CXADR: variants seen among roughly 807,000 people sequenced by gnomAD.
CXADR encodes coxsackievirus and adenovirus receptor.
A neutral mutation model predicts 40.3 loss-of-function variants in CXADR; 20 were observed. The observed-to-expected ratio is 0.50, with a 90% CI of 0.35 to 0.72. The LOEUF (loss-of-function observed/expected upper bound fraction) is 0.72, where lower values mean the gene tolerates loss of function less well. Ranked by LOEUF, CXADR falls within the 30% of genes least tolerant of loss-of-function variation. CXADR has a pLI of 0.01. For missense variants in CXADR, 332 were observed against 449.1 expected (o/e 0.74, Z 2.36); for synonymous variants, 150 against 161.3 (o/e 0.93, Z 0.53).
At chr21:17,521,788 CTT>C (rs1187571479) in intron 1 of CXADR, among the ~76,000 whole-genome samples, 2 of 152,198 alleles carry the variant, frequency 1.3e-5, no homozygotes, top group Non-Finnish European at 2.9e-5. Flanking sequence ...GATAAAGACT[CTT>C]TTAACTTCCC....
chr21:17,612,991 C>G, the CXADR span: 1 of 151,950 alleles, frequency 6.6e-6, no homozygotes, highest in Admixed American at 6.5e-5. Flanking sequence ...CGCGCGGGAT[C>G]GGCTCGCGCG....
the CXADR span, chr21:17,604,928 G>A: frequency 1.2e-6 from 2 of 1,614,158 alleles, no homozygotes; most frequent in Non-Finnish European, 1.7e-6. Flanking sequence ...CACTATACAA[G>A]ATGCAGCTGT....
At chr21:17,557,988 G>A (rs565237328) in intron 3 of CXADR, among the ~76,000 whole-genome samples, 1 of 152,214 alleles carries the variant, frequency 6.6e-6, no homozygotes, top group African/African-American at 2.4e-5. Context: ...ATGCCAAGGT[G>A]TTAATCCAGG....
the CXADR span, among the ~76,000 whole-genome samples, chr21:17,603,776 C>T: frequency 6.6e-6 from 1 of 152,176 alleles, no homozygotes; most frequent in Non-Finnish European, 1.5e-5. Flanking sequence ...ATGGCTCATC[C>T]TTCACCTCCC....
intron 3 of CXADR, among the ~76,000 whole-genome samples, chr21:17,555,126 A>G (rs1045798336): frequency 6.6e-6 from 1 of 152,226 alleles, no homozygotes; most frequent in Non-Finnish European, 1.5e-5. Flanking sequence ...TGTTGTGGCC[A>G]TATATCACGG....
the CXADR span, among the ~76,000 whole-genome samples, chr21:17,622,594 G>T: frequency 2.0e-4 from 31 of 151,896 alleles, no homozygotes; most frequent in Middle Eastern, 3.4e-3. Flanking sequence ...CAAATAACTG[G>T]TTTTTTTTCC....
chr21:17,604,784 A>C, the CXADR span: 4 of 1,473,620 alleles, frequency 2.7e-6, no homozygotes, highest in Non-Finnish European at 3.6e-6. Context: ...ATACACAGGC[A>C]GGCCGTACAT....
intron 7 of CXADR, among the ~76,000 whole-genome samples, chr21:17,575,162 T>G (rs2061311634): frequency 6.6e-6 from 1 of 151,672 alleles, no homozygotes; most frequent in East Asian, 2.0e-4. Context: ...TTGGGAAGGC[T>G]TTTCTGTTTT....
At chr21:17,593,119 CT>C in intron 7 of CXADR, 1 of 1,386,118 alleles carries the variant, frequency 7.2e-7, no homozygotes, top group Non-Finnish European at 9.4e-7. Flanking sequence ...AATCAAAACT[CT>C]TATAGAGATA....
chr21:17,607,734 TA>T, the CXADR span, among the ~76,000 whole-genome samples: 1 of 152,204 alleles, frequency 6.6e-6, no homozygotes, highest in African/African-American at 2.4e-5. Flanking sequence ...TATACACAAA[TA>T]AAAGAGTATT....
chr21:17,609,192 T>C, the CXADR span: 2 of 1,576,750 alleles, frequency 1.3e-6, no homozygotes, highest in African/African-American at 2.7e-5. Context: ...AAACAAAATA[T>C]AAAAACTGGG....
downstream of CXADR, among the ~76,000 whole-genome samples, chr21:17,595,021 A>T (rs1257979603): frequency 1.3e-5 from 2 of 151,996 alleles, no homozygotes; most frequent in African/African-American, 4.8e-5. Context: ...AAAAAAGATA[A>T]ACACAAAACA....
At chr21:17,548,876 C>G (rs771329292) in intron 2 of CXADR, among the ~76,000 whole-genome samples, 1 of 152,184 alleles carries the variant, frequency 6.6e-6, no homozygotes, top group Non-Finnish European at 1.5e-5. Context: ...AACCTAGCTT[C>G]TAACCTAAAA....
At chr21:17,618,935 A>G in the CXADR span, among the ~76,000 whole-genome samples, 10 of 152,166 alleles carry the variant, frequency 6.6e-5, no homozygotes, top group Non-Finnish European at 1.3e-4. Context: ...AAACAACACT[A>G]ATCTCCTTGT....
At chr21:17,545,914 G>C (rs2060891462) in intron 1 of CXADR, among the ~76,000 whole-genome samples, 1 of 151,656 alleles carries the variant, frequency 6.6e-6, no homozygotes, top group Non-Finnish European at 1.5e-5. Context: ...CAAGTAGCTG[G>C]GATTATAGTC....
At chr21:17,559,268 C>G (rs113290321) in intron 4 of CXADR, 137 bp downstream of exon 4, 9,050 of 867,846 alleles carry the variant, frequency 0.01, 52 homozygotes, top group Non-Finnish European at 0.014. Flanking sequence ...AAGCTTCAAC[C>G]TCCTAGGCTC....
At chr21:17,559,213 G>A in intron 4 of CXADR, 82 bp downstream of exon 4, 1 of 1,452,568 alleles carries the variant, frequency 6.9e-7, no homozygotes, top group Non-Finnish European at 9.6e-7. Context: ...ATTTGAGATA[G>A]GGCCTTGCTC....
chr21:17,536,008 C>A (rs1353836256), intron 1 of CXADR, among the ~76,000 whole-genome samples: 4 of 152,028 alleles, frequency 2.6e-5, no homozygotes, highest in African/African-American at 9.7e-5. Flanking sequence ...ACTCTGCCTC[C>A]AAAATAAAGA....
Position 17,567,632 on chromosome 21 carries a change from A to T in CXADR, c.*1940A>T. On this transcript the variant is annotated 3_prime_UTR_variant, in exon 7 of 7. Transcript: ENST00000284878. The stretch of plus-strand genomic sequence containing the variant: ...GTTTAGAAATTTCAATATTCCCAAC[A>T]CTCTATGTTTCTGATTTTATAACAG... The T allele has an allele frequency of 1.0e-6, 1 of 983,244 alleles. No individual in the cohort carries two copies. The allele number at this position is 983,244 out of a possible 1,614,324, so 60.9% of individuals were successfully genotyped here.
Sources: allele counts gnomAD v4.1 joint callset (sites outside exome capture counted in the v4.1 genomes callset), GRCh38; gene constraint gnomAD v4.1.1; transcripts MANE v1.5; gene names NCBI Gene and HGNC (gene_info 2026-07-23, HGNC 2026-07-21).